Variants in STX16 observed in about 807,000 individuals in gnomAD.
The protein encoded by STX16 is syntaxin-16.
In STX16, 28 loss-of-function variants were observed where a neutral mutation model predicts 42.7. The observed-to-expected ratio is 0.66, with a 90% CI of 0.49 to 0.90. The LOEUF (loss-of-function observed/expected upper bound fraction) is 0.90. Among genes scored for constraint, STX16 ranks in the 40% least tolerant of loss-of-function variants. STX16 has a pLI of 0.00. For missense variants in STX16, 361 were observed against 420.9 expected, an observed-to-expected ratio of 0.86 and a Z score of 1.24; for synonymous variants, 156 against 155.2, an observed-to-expected ratio of 1.00 and a Z score of -0.04.
At chr20:58,661,198 G>A (rs1601008021) in intron 2 of STX16, among the ~76,000 whole-genome samples, 1 of 152,216 alleles carries the variant, frequency 6.6e-6, no homozygotes, top group South Asian at 2.1e-4. Flanking sequence ...AACAAATTAT[G>A]GAACCACTTA....
chr20:58,671,146 C>A lies in STX16; in HGVS notation c.649-8C>A. ...ATCTATCCAACACATTGTGCACTGT[C>A]TTGCTAGGGTTTTACAGAGGACCAG... is the stretch of plus-strand genomic sequence containing the variant. On this transcript the variant is annotated splice_polypyrimidine_tract_variant and splice_region_variant and intron_variant, in intron 6 of 8. Transcript: ENST00000371141. The A allele has an allele frequency of 6.2e-7, 1 of 1,612,730 alleles. No homozygotes were observed. Among genetic ancestry groups the A allele is most frequent in the Non-Finnish European group, 8.5e-7 (1 of 1,179,156 alleles).
At chr20:58,672,060 C>T (rs1009139377) in intron 7 of STX16, among the ~76,000 whole-genome samples, 8 of 152,076 alleles carry the variant, frequency 5.3e-5, no homozygotes, top group African/African-American at 1.2e-4. Flanking sequence ...TGGCCGGGCA[C>T]GGTGGCTCAC....
intron 7 of STX16, among the ~76,000 whole-genome samples, chr20:58,672,130 C>A (rs6026439): frequency 2.0e-5 from 3 of 151,964 alleles, no homozygotes; most frequent in Non-Finnish European, 4.4e-5. Flanking sequence ...GTCAGCAGTT[C>A]GAGACCAGCG....
At chr20:58,666,541 G>T (rs772290463) in intron 2 of STX16, among the ~76,000 whole-genome samples, 1 of 150,432 alleles carries the variant, frequency 6.6e-6, no homozygotes, top group Non-Finnish European at 1.5e-5. Flanking sequence ...GGATTCTCCT[G>T]CCTCAGCCTC....
At chr20:58,665,238 G>T (rs2083794003) in intron 2 of STX16, among the ~76,000 whole-genome samples, 1 of 152,214 alleles carries the variant, frequency 6.6e-6, no homozygotes, top group Non-Finnish European at 1.5e-5. Context: ...TCCACGGATG[G>T]TCAGTAAGAG....
At chr20:58,675,944 G>A (rs1308484830) in intron 8 of STX16, among the ~76,000 whole-genome samples, 1 of 152,200 alleles carries the variant, frequency 6.6e-6, no homozygotes, top group Admixed American at 6.5e-5. Context: ...TGTCTTAGTA[G>A]TAGGTTTCCA....
At chr20:58,663,541 G>A (rs1601015722) in intron 2 of STX16, among the ~76,000 whole-genome samples, 1 of 152,142 alleles carries the variant, frequency 6.6e-6, no homozygotes, top group Non-Finnish European at 1.5e-5. Flanking sequence ...CTCTAGGTTA[G>A]GGTAGCGGAC....
At chr20:58,658,542 T>C (rs1052107988) in intron 1 of STX16, among the ~76,000 whole-genome samples, 1 of 152,218 alleles carries the variant, frequency 6.6e-6, no homozygotes, top group Non-Finnish European at 1.5e-5. Flanking sequence ...TTGCTATCAT[T>C]GTTTAATAAT....
At position 58,678,746 on chromosome 20, in the gene STX16, C is replaced by G. The variant is rs917915382; in HGVS notation, c.*2455C>G. 2.6e-5 allele frequency: 4 copies of G among 152,210 alleles called. No individual in the cohort carries two copies. Among genetic ancestry groups the G allele is most frequent in the African/African-American group, 9.7e-5 (4 of 41,434 alleles). The allele number at this position is 152,210 out of a possible 1,614,324, so 9.4% of individuals were successfully genotyped here. ...CTGTGTGCTGACTTCTTGGGGTCCT[C>G]AAACCACTGTATTTTTCTGTTGAGC... On this transcript the variant is annotated 3_prime_UTR_variant, in exon 9 of 9. Transcript: ENST00000371141.
intron 1 of STX16, 41 bp downstream of exon 1, chr20:58,652,179 C>A (rs555638691): frequency 6.2e-7 from 1 of 1,610,534 alleles, no homozygotes; most frequent in Admixed American, 1.7e-5. Context: ...GGACCGTGTG[C>A]ACTGCGGCTC....
chr20:58,671,437 G>GGTGTGT (rs540390363), intron 7 of STX16, 140 bp downstream of exon 7: 543 of 224,512 alleles, frequency 2.4e-3, no homozygotes, highest in Non-Finnish European at 3.5e-3. Flanking sequence ...TGTGTGTGTG[G>GGTGTGT]GTGTGTGTGT....
chr20:58,673,261 G>A (rs765647204), intron 7 of STX16, among the ~76,000 whole-genome samples: 13 of 152,138 alleles, frequency 8.5e-5, no homozygotes, highest in Admixed American at 6.5e-4. Context: ...ATCCAAGTAC[G>A]TAGGCAGCAA....
chr20:58,653,887 T>C (rs1179282127), intron 1 of STX16, among the ~76,000 whole-genome samples: 1 of 151,846 alleles, frequency 6.6e-6, no homozygotes, highest in African/African-American at 2.4e-5. Context: ...AGTCAGACAG[T>C]TTAAAAACCT....
At chr20:58,671,388 G>T in intron 7 of STX16, 91 bp downstream of exon 7, 1 of 1,400,154 alleles carries the variant, frequency 7.1e-7, no homozygotes, top group Non-Finnish European at 9.6e-7. Flanking sequence ...AAAAAAATTG[G>T]AGCCAATTTT....
At chr20:58,652,323 T>C (rs2083478140) in intron 1 of STX16, 185 bp downstream of exon 1, 3 of 827,712 alleles carry the variant, frequency 3.6e-6, no homozygotes, top group African/African-American at 1.7e-5. Flanking sequence ...AGCGGTGCTG[T>C]GAGGCCGCAG....
chr20:58,657,556 G>A lies in STX16; in HGVS notation c.133-2067G>A, dbSNP rs911218148. On this transcript the variant is annotated intron_variant, in intron 1 of 8. Coordinates refer to ENST00000371141, the MANE Select transcript of STX16 (RefSeq NM_001001433.3). This position sits in a 1 kb window ranked among gnomAD's most constrained non-coding sequence, Gnocchi z 4.2. ...GTTCTTTAGACTATAAATTCCACATGCTACTTGGAGTTTTCAGTGTTTGCT... is the reference window on the plus strand; with the variant it reads ...GTTCTTTAGACTATAAATTCCACATACTACTTGGAGTTTTCAGTGTTTGCT... 2.0e-5 allele frequency among the ~76,000 whole-genome samples: 3 copies of A among 152,104 alleles called. No individual in the cohort carries two copies. The highest frequency in any genetic ancestry group is 2.0e-4 in the Admixed American group (3 of 15,270).
At chr20:58,663,713 T>C (rs1449324940) in intron 2 of STX16, among the ~76,000 whole-genome samples, 1 of 152,186 alleles carries the variant, frequency 6.6e-6, no homozygotes, top group Non-Finnish European at 1.5e-5. Flanking sequence ...TCGCTCTGTC[T>C]TAATAAAAGG....
At chr20:58,654,152 T>G (rs1477791486) in intron 1 of STX16, among the ~76,000 whole-genome samples, 2 of 152,168 alleles carry the variant, frequency 1.3e-5, no homozygotes, top group East Asian at 3.8e-4. Context: ...AAAAAATGTT[T>G]TCTAAATGTC....
In STX16 at chr20:58,659,626, C is replaced by T; in HGVS notation, c.136C>T (p.Leu46=). ...TGGGGACAACATGTCTCTTCAGGAG[C>T]TGGACGAGGTATTGTGTTTTGAATA... ...PLHSRSIAAE[L]DELADDRMAL... is the part of the protein sequence containing the mutation. The change falls in exon 2 of 9, where the codon CTG becomes TTG. Residue 46 remains leucine, a synonymous_variant. Coordinates refer to ENST00000371141, the MANE Select transcript of STX16 (RefSeq NM_001001433.3). 3 of 1,612,702 alleles carry T rather than the reference C, an allele frequency of 1.9e-6. No individual in the cohort carries two copies. Among genetic ancestry groups the T allele is most frequent in the Non-Finnish European group, 2.5e-6 (3 of 1,179,664 alleles).
Sources: allele counts gnomAD v4.1 joint callset (sites outside exome capture counted in the v4.1 genomes callset), GRCh38; gene constraint gnomAD v4.1.1; non-coding constraint Gnocchi (gnomAD v3.1); transcripts MANE v1.5; gene names NCBI Gene and HGNC (gene_info 2026-07-23, HGNC 2026-07-21).